CCND2: variants seen among roughly 807,000 people sequenced by gnomAD.
CCND2 encodes G1/S-specific cyclin-D2.
CCND2 carries 6 observed loss-of-function variants against 30.2 expected under a neutral mutation model. That is an observed-to-expected ratio of 0.20 (90% CI 0.11 to 0.39). The LOEUF (loss-of-function observed/expected upper bound fraction) is 0.39, where lower values mean the gene tolerates loss of function less well. Among genes scored for constraint, CCND2 ranks in the 10% least tolerant of loss-of-function variants. CCND2 has a pLI of 1.00. For synonymous variants in CCND2, 150 were observed against 153.1 expected (o/e 0.98, Z 0.15); for missense variants, 235 against 373.4 (o/e 0.63, Z 3.06).
chr12:4,296,991 C>T lies in CCND2; in HGVS notation c.721-2869C>T, dbSNP rs144639554. Among the ~76,000 whole-genome samples, 21 of 152,312 alleles carry T rather than the reference C, an allele frequency of 1.4e-4. No homozygotes were observed. In the East Asian group the frequency reaches 3.7e-3, roughly 27 times the overall value. Reference sequence around the variant, plus strand: ...CATGTACCGTGGAGTGAGCATCTCACACCACGATGATTCTGGCATTTAAGT... The same window carrying T: ...CATGTACCGTGGAGTGAGCATCTCATACCACGATGATTCTGGCATTTAAGT... On this transcript the variant is annotated intron_variant, in intron 4 of 4. Transcript: ENST00000261254.
rs1252417859 is a variant in CCND2, at chr12:4,287,141, T to A, written c.572-1701T>A. 3.3e-5 allele frequency among the ~76,000 whole-genome samples: 5 copies of A among 152,112 alleles called. No homozygotes were observed. The highest frequency in any genetic ancestry group is 7.4e-5 in the Non-Finnish European group (5 of 68,020). On this transcript the variant is annotated intron_variant, in intron 3 of 4. Transcript: ENST00000261254. This position sits in a 1 kb window ranked among gnomAD's most constrained non-coding sequence, Gnocchi z 4.0. ...ACAGCAGGCGTGGGCGCAGCACCAT[T>A]ATATACGTCCCTCAAGAGGTGGAGA...
chr12:4,291,796 T>C (rs1864104666), intron 4 of CCND2, among the ~76,000 whole-genome samples: 1 of 152,168 alleles, frequency 6.6e-6, no homozygotes, highest in African/African-American at 2.4e-5. Context: ...TTCCGATCCA[T>C]GTTATAACAT....
chr12:4,290,316 G>A (rs1391148159), intron 4 of CCND2, among the ~76,000 whole-genome samples: 1 of 152,126 alleles, frequency 6.6e-6, no homozygotes, highest in African/African-American at 2.4e-5. Context: ...TTTAAAATGC[G>A]GGCTCCAAAC....
intron 2 of CCND2, among the ~76,000 whole-genome samples, chr12:4,278,491 G>A (rs1392666751): frequency 6.6e-6 from 1 of 152,112 alleles, no homozygotes; most frequent in Admixed American, 6.5e-5. Flanking sequence ...GAGCTGGAGT[G>A]GAAACGAAGT....
At chr12:4,296,829 C>CA (rs1375170937) in intron 4 of CCND2, among the ~76,000 whole-genome samples, 3 of 151,994 alleles carry the variant, frequency 2.0e-5, no homozygotes, top group African/African-American at 2.4e-5. Context: ...AAAAACAAAA[C>CA]AAAAAAACAG....
At chr12:4,288,194 T>C (rs1163699245) in intron 3 of CCND2, among the ~76,000 whole-genome samples, 1 of 151,398 alleles carries the variant, frequency 6.6e-6, no homozygotes, top group African/African-American at 2.4e-5. Context: ...ACTCGCCCAC[T>C]CCCTGCATTG....
rs1864291976 is a variant in CCND2 at position 4,304,634 on chromosome 12, C to T, written c.*4625C>T. 1 of 233,584 alleles carries T rather than the reference C, an allele frequency of 4.3e-6. No individual in the cohort carries two copies. The highest frequency in any genetic ancestry group is 2.2e-5 in the African/African-American group (1 of 45,340). 14.5% of individuals were successfully genotyped at this position (233,584 alleles called of 1,614,324 possible). A position where few individuals can be genotyped will look rare whatever the true frequency, so the allele number is the denominator to read the frequency against. On this transcript the variant is annotated 3_prime_UTR_variant, in exon 5 of 5. Transcript: ENST00000261254. The surrounding 1 kb of genome is among the most constrained non-coding windows in gnomAD (Gnocchi z 6.2). ...TTAAACTTGGCTGGGCTATCAGACC[C>T]TATTCTCGGCTCAGGTTTTGAGAAG...
intron 1 of CCND2, chr12:4,275,467 TCCCC>T (rs1307643339): frequency 1.2e-5 from 1 of 84,898 alleles, no homozygotes; most frequent in Non-Finnish European, 2.3e-5. Context: ...CTCTCCTCCC[TCCCC>T]CTCTCTTCCC....
intron 4 of CCND2, among the ~76,000 whole-genome samples, chr12:4,290,752 A>C (rs3217868): frequency 0.78 from 117,816 of 151,888 alleles, 45,826 homozygotes; most frequent in East Asian, 0.94. Flanking sequence ...GTTGCTGCTG[A>C]GTCTCTTGGC....
At chr12:4,284,744 CT>C (rs11455398) in intron 3 of CCND2, among the ~76,000 whole-genome samples, 27 of 138,020 alleles carry the variant, frequency 2.0e-4, no homozygotes, top group Admixed American at 2.2e-4. Flanking sequence ...TTTTCTTTTT[CT>C]TTTTTTTTTT....
rs1864218887 is a variant in CCND2 at position 4,299,510 on chromosome 12, C to T, written c.721-350C>T. 6.6e-6 allele frequency among the ~76,000 whole-genome samples: 1 copy of T among 152,130 alleles called. No homozygotes were observed. The highest frequency in any genetic ancestry group is 6.5e-5 in the Admixed American group (1 of 15,274). On this transcript the variant is annotated intron_variant, in intron 4 of 4. Transcript: ENST00000261254. The surrounding 1 kb of genome is among the most constrained non-coding windows in gnomAD (Gnocchi z 5.2). ...CCCCAGGCAGAAAGCATCTGGTCGG[C>T]CCCTTGATTACCAGGCATCCATAAG...
Position 4,304,965 on chromosome 12 carries a change from TTCTTG to T in CCND2, c.*4962_*4966del, listed in dbSNP as rs1327651394. On this transcript the variant is annotated 3_prime_UTR_variant, in exon 5 of 5. Coordinates refer to ENST00000261254, the MANE Select transcript of CCND2 (RefSeq NM_001759.4). This position sits in a 1 kb window ranked among gnomAD's most constrained non-coding sequence, Gnocchi z 6.2. ...CTCTCCTCTCTCTCAGTTATGTAGT[TTCTTG>T]TCTTGGACTTTTTTTTTTCTTTTCT... 1 of 232,954 alleles carries T rather than the reference TTCTTG, an allele frequency of 4.3e-6. No individual in the cohort carries two copies. The highest frequency in any genetic ancestry group is 2.2e-5 in the African/African-American group (1 of 45,018). 14.4% of individuals were successfully genotyped at this position (232,954 alleles called of 1,614,324 possible).
rs1244799795 is a variant in CCND2, at chr12:4,287,600, C to T, written c.572-1242C>T. Among the ~76,000 whole-genome samples, 3 of 152,196 alleles carry T rather than the reference C, an allele frequency of 2.0e-5. No individual in the cohort carries two copies. The highest frequency in any genetic ancestry group is 2.1e-4 in the South Asian group (1 of 4,832). On this transcript the variant is annotated intron_variant, in intron 3 of 4. Coordinates refer to ENST00000261254, the MANE Select transcript of CCND2 (RefSeq NM_001759.4). This position sits in a 1 kb window ranked among gnomAD's most constrained non-coding sequence, Gnocchi z 4.0. The stretch of plus-strand genomic sequence containing the variant: ...CTAGCGTGATGGCTGCAACTATACC[C>T]ACCCTAATATCTGTCAACACGAGCA...
rs971010386 is a variant in CCND2, at chr12:4,302,415, C to T, written c.*2406C>T. On this transcript the variant is annotated 3_prime_UTR_variant, in exon 5 of 5. Transcript: ENST00000261254. ...CCTCATCTTGGAGCTTTTTCAAAAG[C>T]GGGGCTTCATCTGCAAAGGGCCCTT... The T allele has an allele frequency of 4.3e-6, 1 of 233,044 alleles. No individual in the cohort carries two copies. The highest frequency in any genetic ancestry group is 1.3e-3 in the Middle Eastern group (1 of 782). 14.4% of individuals were successfully genotyped at this position (233,044 alleles called of 1,614,324 possible). A position where few individuals can be genotyped will look rare whatever the true frequency, so the allele number is the denominator to read the frequency against.
chr12:4,296,564 C>G (rs12300989), intron 4 of CCND2, among the ~76,000 whole-genome samples: 2 of 152,256 alleles, frequency 1.3e-5, no homozygotes, highest in Admixed American at 6.5e-5. Context: ...CCTGCCATCT[C>G]TTTTAGATAA....
chr12:4,274,115 C>G lies in CCND2; in HGVS notation c.75C>G (p.Arg25=), dbSNP rs1459048116. The change falls in exon 1 of 5, where the codon CGC becomes CGG. Residue 25 remains arginine (R), a synonymous_variant. Coordinates refer to ENST00000261254, the MANE Select transcript of CCND2 (RefSeq NM_001759.4). The surrounding 1 kb of genome is among the most constrained non-coding windows in gnomAD (Gnocchi z 7.7). ...VRDRNLLRDD[R]VLQNLLTIEE... is the part of the protein sequence containing the mutation. ...ACCGCAACCTGCTCCGAGACGACCGCGTCCTGCAGAACCTGCTCACCATCG... is the reference window on the plus strand; with the variant it reads ...ACCGCAACCTGCTCCGAGACGACCGGGTCCTGCAGAACCTGCTCACCATCG... 4 of 1,613,946 alleles carry G rather than the reference C, an allele frequency of 2.5e-6. No individual in the cohort carries two copies. The highest frequency in any genetic ancestry group is 1.3e-5 in the African/African-American group (1 of 74,936).
rs12581037 is a variant in CCND2 at position 4,302,721 on chromosome 12, T to G, written c.*2712T>G. ...GGTCAGATAAGTATGGGATGATAGTTGAAGGGAGGTGAAGAGGCTGCTTCT... is the reference window on the plus strand; with the variant it reads ...GGTCAGATAAGTATGGGATGATAGTGGAAGGGAGGTGAAGAGGCTGCTTCT... On this transcript the variant is annotated 3_prime_UTR_variant, in exon 5 of 5. Transcript: ENST00000261254. 1,537 of 233,320 alleles carry G rather than the reference T, an allele frequency of 6.6e-3. 63 individuals carry two copies. In the East Asian group the frequency reaches 0.085, roughly 13 times the overall value. The allele number at this position is 233,320 out of a possible 1,614,324, so 14.5% of individuals were successfully genotyped here.
chr12:4,295,690 T>C (rs552960325), intron 4 of CCND2, among the ~76,000 whole-genome samples: 1 of 152,222 alleles, frequency 6.6e-6, no homozygotes, highest in African/African-American at 2.4e-5. Context: ...GACAGGAGAA[T>C]TGCTTGAACC....
chr12:4,285,207 G>A lies in CCND2; in HGVS notation c.572-3635G>A, dbSNP rs1028606575. ...TCCTCCATGCTGCCTGGAACAGGGA[G>A]GAGCACATTGTCATGAGTCGATCAG... On this transcript the variant is annotated intron_variant, in intron 3 of 4. Coordinates refer to ENST00000261254, the MANE Select transcript of CCND2 (RefSeq NM_001759.4). The surrounding 1 kb of genome is among the most constrained non-coding windows in gnomAD (Gnocchi z 4.1). 51 of 798,858 alleles carry A rather than the reference G, an allele frequency of 6.4e-5. No homozygotes were observed. In the Admixed American group the frequency reaches 7.5e-4, roughly 12 times the overall value. 49.5% of individuals were successfully genotyped at this position (798,858 alleles called of 1,614,324 possible).
Sources: allele counts gnomAD v4.1 joint callset (sites outside exome capture counted in the v4.1 genomes callset), GRCh38; gene constraint gnomAD v4.1.1; non-coding constraint Gnocchi (gnomAD v3.1); transcripts MANE v1.5; gene names NCBI Gene and HGNC (gene_info 2026-07-23, HGNC 2026-07-21).